Variants in PDE4D observed in about 807,000 individuals in gnomAD.
PDE4D encodes the protein phosphodiesterase 4D.
A neutral mutation model predicts 87.4 loss-of-function variants in PDE4D; 24 were observed. That is an observed-to-expected ratio of 0.27 (90% CI 0.20 to 0.39). The LOEUF (loss-of-function observed/expected upper bound fraction) is 0.39. PDE4D is among the 10% of genes least tolerant of loss of function. The probability of loss-of-function intolerance (pLI) is 1.00; values close to 1 mark genes in which losing one functional copy is unlikely to be tolerated. For synonymous variants in PDE4D, 384 were observed against 383.2 expected (o/e 1.00, Z -0.02); for missense variants, 714 against 1,041.0 (o/e 0.69, Z 4.32).
intron 5 of PDE4D, among the ~76,000 whole-genome samples, chr5:59,095,208 C>T (rs1218462390): frequency 2.0e-5 from 3 of 151,282 alleles, no homozygotes; most frequent in Admixed American, 6.6e-5. Context: ...CACCATTCAA[C>T]GATCTTGTAT....
At chr5:59,966,278 C>T (rs191433808) in intron 3 of PDE4D, among the ~76,000 whole-genome samples, 13 of 152,250 alleles carry the variant, frequency 8.5e-5, no homozygotes, top group Non-Finnish European at 1.6e-4. Context: ...ATGACCCCTC[C>T]AAGGAAAGTA....
chr5:60,389,765 A>G (rs1250168785), intron 1 of PDE4D, among the ~76,000 whole-genome samples: 2 of 152,072 alleles, frequency 1.3e-5, no homozygotes, highest in Non-Finnish European at 2.9e-5. Context: ...GCCTCTCAGG[A>G]TACACAAAGT....
intron 1 of PDE4D, among the ~76,000 whole-genome samples, chr5:60,235,152 T>C (rs1746280101): frequency 6.6e-6 from 1 of 151,936 alleles, no homozygotes; most frequent in African/African-American, 2.4e-5. Flanking sequence ...TGTGTTTATT[T>C]CTAAGAAGAC....
chr5:59,335,072 C>T (rs1777434957), intron 1 of PDE4D, among the ~76,000 whole-genome samples: 1 of 152,126 alleles, frequency 6.6e-6, no homozygotes, highest in Non-Finnish European at 1.5e-5. Context: ...ATCTTTACTT[C>T]TTCAATGCAT....
intron 1 of PDE4D, among the ~76,000 whole-genome samples, chr5:60,300,777 T>C (rs1753822192): frequency 1.3e-5 from 2 of 152,054 alleles, no homozygotes; most frequent in African/African-American, 4.8e-5. Flanking sequence ...CTTTTTTTTT[T>C]TCTTTTTCTT....
At chr5:59,630,909 C>G (rs932775856) in intron 1 of PDE4D, among the ~76,000 whole-genome samples, 1 of 152,052 alleles carries the variant, frequency 6.6e-6, no homozygotes, top group Non-Finnish European at 1.5e-5. Context: ...CTTAATATTC[C>G]TGACGCTCGG....
At chr5:60,428,219 T>C (rs1181680986) in intron 1 of PDE4D, among the ~76,000 whole-genome samples, 1 of 152,218 alleles carries the variant, frequency 6.6e-6, no homozygotes, top group African/African-American at 2.4e-5. Context: ...AGGGGCTGCA[T>C]ATTTTTAGCC....
intron 1 of PDE4D, among the ~76,000 whole-genome samples, chr5:59,323,046 TCTGA>T (rs761601527): frequency 3.8e-4 from 58 of 152,150 alleles, no homozygotes; most frequent in Non-Finnish European, 5.6e-4. Flanking sequence ...TCTCAACAGT[TCTGA>T]CTAATTCAAC....
chr5:59,781,784 CAAAAAAAAAAAAAAAAAA>C (rs58613622), intron 1 of PDE4D, among the ~76,000 whole-genome samples: 3 of 39,898 alleles, frequency 7.5e-5, no homozygotes, highest in African/African-American at 2.4e-4. Flanking sequence ...CACTCCATCT[CAAAAAAAAAAAAAAAAAA>C]AAAAAAAAAA....
At chr5:60,218,701 AT>A (rs1299798973) in intron 1 of PDE4D, among the ~76,000 whole-genome samples, 1 of 152,098 alleles carries the variant, frequency 6.6e-6, no homozygotes, top group Non-Finnish European at 1.5e-5. Flanking sequence ...AGTCTAAAAA[AT>A]ATTGAACTAT....
chr5:59,768,277 T>C, intron 1 of PDE4D: 1 of 1,597,708 alleles, frequency 6.3e-7, no homozygotes, highest in Non-Finnish European at 8.5e-7. Context: ...ACGCCGCTGT[T>C]TGGGGATGTT....
chr5:59,852,404 G>A (rs1304364808), intron 1 of PDE4D, among the ~76,000 whole-genome samples: 2 of 152,060 alleles, frequency 1.3e-5, no homozygotes, highest in Non-Finnish European at 2.9e-5. Flanking sequence ...CGCACACTTT[G>A]TGAAACAGCC....
At chr5:59,957,672 A>C (rs576672784) in intron 3 of PDE4D, among the ~76,000 whole-genome samples, 1 of 152,128 alleles carries the variant, frequency 6.6e-6, no homozygotes, top group East Asian at 1.9e-4. Flanking sequence ...TTTCTAATAA[A>C]TTAGAAAGCA....
intron 1 of PDE4D, among the ~76,000 whole-genome samples, chr5:60,293,272 T>A (rs1233255294): frequency 6.6e-6 from 1 of 152,044 alleles, no homozygotes; most frequent in Non-Finnish European, 1.5e-5. Flanking sequence ...ATGCCTGTAA[T>A]CCCAGCATTT....
chr5:60,155,222 G>A (rs980751657), intron 2 of PDE4D, among the ~76,000 whole-genome samples: 1 of 152,162 alleles, frequency 6.6e-6, no homozygotes, highest in African/African-American at 2.4e-5. Flanking sequence ...AAGTGATTGA[G>A]GGTTCTGGTT....
At chr5:59,616,961 A>G (rs1033571270) in intron 1 of PDE4D, among the ~76,000 whole-genome samples, 15 of 134,880 alleles carry the variant, frequency 1.1e-4, no homozygotes, top group Admixed American at 3.0e-4. Flanking sequence ...AAGATTTTAA[A>G]GTATTAGGTA....
At chr5:60,005,697 A>T (rs1419204001) in intron 2 of PDE4D, among the ~76,000 whole-genome samples, 1 of 152,018 alleles carries the variant, frequency 6.6e-6, no homozygotes, top group Non-Finnish European at 1.5e-5. Flanking sequence ...ATAATAAAAC[A>T]TTAGTCATTT....
chr5:59,640,795 AAAC>A (rs765627326), intron 1 of PDE4D, among the ~76,000 whole-genome samples: 56 of 152,322 alleles, frequency 3.7e-4, no homozygotes, highest in South Asian at 2.5e-3. Flanking sequence ...CACAGAAAAC[AAAC>A]AACAACAACA....
At chr5:60,331,060 C>T (rs1757272602) in intron 1 of PDE4D, among the ~76,000 whole-genome samples, 1 of 152,158 alleles carries the variant, frequency 6.6e-6, no homozygotes, top group African/African-American at 2.4e-5. Flanking sequence ...AGTTACTCAG[C>T]AAATATTTAT....
Sources: allele counts gnomAD v4.1 joint callset (sites outside exome capture counted in the v4.1 genomes callset), GRCh38; gene constraint gnomAD v4.1.1; transcripts MANE v1.5; gene names NCBI Gene and HGNC (gene_info 2026-07-23, HGNC 2026-07-21).